Variants in SLAIN1 observed in about 807,000 individuals in gnomAD.
The protein encoded by SLAIN1 is SLAIN motif-containing protein 1.
Under a neutral mutation model 55.4 loss-of-function variants are expected in SLAIN1, and 17 were observed. The observed-to-expected ratio is 0.31, with a 90% CI of 0.21 to 0.46. The LOEUF (loss-of-function observed/expected upper bound fraction) is 0.46, where lower values mean the gene tolerates loss of function less well. SLAIN1 is among the 20% of genes least tolerant of loss of function. SLAIN1 has a pLI of 1.00. For missense variants in SLAIN1, 682 were observed against 785.1 expected, an observed-to-expected ratio of 0.87 and a Z score of 1.57; for synonymous variants, 348 against 337.4, an observed-to-expected ratio of 1.03 and a Z score of -0.35.
chr13:77,723,435 G>A (rs995597346), intron 2 of SLAIN1, among the ~76,000 whole-genome samples: 7 of 152,058 alleles, frequency 4.6e-5, no homozygotes, highest in Non-Finnish European at 7.4e-5. Flanking sequence ...GGAGAGTAGA[G>A]GGAAAAAGGA....
intron 1 of SLAIN1, among the ~76,000 whole-genome samples, chr13:77,717,665 G>T (rs145549016): frequency 6.6e-6 from 1 of 152,072 alleles, no homozygotes; most frequent in Non-Finnish European, 1.5e-5. Context: ...TGTCTGGGGC[G>T]TGGGCCTAAA....
At chr13:77,738,484 T>A (rs916989295) in intron 2 of SLAIN1, among the ~76,000 whole-genome samples, 12 of 151,778 alleles carry the variant, frequency 7.9e-5, no homozygotes, top group Admixed American at 5.9e-4. Flanking sequence ...TGCTAATGAG[T>A]TTTTATTGGG....
At chr13:77,699,088 G>T in intron 1 of SLAIN1, 1 of 1,518,412 alleles carries the variant, frequency 6.6e-7, no homozygotes, top group South Asian at 1.2e-5. Flanking sequence ...TTTTGCAGTC[G>T]TGTGCCCTTT....
intron 3 of SLAIN1, 98 bp downstream of exon 3, chr13:77,744,530 A>T: frequency 6.3e-7 from 1 of 1,576,534 alleles, no homozygotes; most frequent in Non-Finnish European, 8.6e-7. Context: ...ATGGGCAAAT[A>T]ATTAGATTCT....
In SLAIN1 at chr13:77,719,539, A is replaced by G; in HGVS notation, c.634A>G (p.Ile212Val). The G allele has an allele frequency of 6.2e-7, 1 of 1,612,252 alleles. No homozygotes were observed. The highest frequency in any genetic ancestry group is 8.5e-7 in the Non-Finnish European group (1 of 1,178,872). Residue 212 changes from isoleucine to valine, a missense_variant, in exon 2 of 7, where the codon ATT becomes GTT. By Grantham distance (29) the Ile-to-Val change is conservative. This residue lies in a region of SLAIN1 where 401 missense variants were observed against 417.3 expected (regional missense o/e 0.96). Transcript: ENST00000418532. ...TAGATTTCTTTTTTTAAGGTTATAC[A>G]TTGGCTCTTCAAAGACGTTCACCTC... ...RDEDDYTWLY[I>V]GSSKTFTSSE...
intron 1 of SLAIN1, among the ~76,000 whole-genome samples, chr13:77,715,477 G>A (rs1225358013): frequency 6.6e-6 from 1 of 152,174 alleles, no homozygotes; most frequent in Non-Finnish European, 1.5e-5. Flanking sequence ...CTGGAACAGA[G>A]AGTAAGTGTA....
intron 1 of SLAIN1, among the ~76,000 whole-genome samples, chr13:77,701,194 T>C (rs2091027294): frequency 6.6e-6 from 1 of 152,054 alleles, no homozygotes; most frequent in Non-Finnish European, 1.5e-5. Context: ...TCCTAATGGG[T>C]TGAACAAAAT....
intron 5 of SLAIN1, among the ~76,000 whole-genome samples, chr13:77,758,674 G>C (rs902990924): frequency 6.6e-6 from 1 of 152,020 alleles, no homozygotes; most frequent in Non-Finnish European, 1.5e-5. Flanking sequence ...ACCATTTACT[G>C]AATAGGGTGT....
At chr13:77,725,737 C>A (rs1020425454) in intron 2 of SLAIN1, among the ~76,000 whole-genome samples, 2 of 152,142 alleles carry the variant, frequency 1.3e-5, no homozygotes, top group Admixed American at 1.3e-4. Context: ...CTTATTTCCT[C>A]TTTACCCTAG....
intron 1 of SLAIN1, among the ~76,000 whole-genome samples, chr13:77,713,452 AAATC>A (rs904067534): frequency 2.0e-5 from 3 of 152,238 alleles, no homozygotes. Flanking sequence ...AGAGAAATGT[AAATC>A]AAAACCACAA....
At chr13:77,739,974 G>A (rs1873334862) in intron 2 of SLAIN1, among the ~76,000 whole-genome samples, 1 of 152,038 alleles carries the variant, frequency 6.6e-6, no homozygotes. Context: ...TGAGGTATCA[G>A]TCTACAATTT....
intron 2 of SLAIN1, among the ~76,000 whole-genome samples, chr13:77,734,879 G>A (rs1449807891): frequency 6.6e-6 from 1 of 151,984 alleles, no homozygotes; most frequent in Admixed American, 6.6e-5. Flanking sequence ...AAACAGCCAG[G>A]TGTAGTGGCA....
chr13:77,718,689 T>C (rs913738339), intron 1 of SLAIN1, among the ~76,000 whole-genome samples: 1 of 152,170 alleles, frequency 6.6e-6, no homozygotes, highest in Non-Finnish European at 1.5e-5. Flanking sequence ...CTTATAGTAG[T>C]AAGGTGTCAC....
In SLAIN1 at chr13:77,727,157, T is replaced by G. The variant is rs149546601; in HGVS notation, c.766+7486T>G. Among the ~76,000 whole-genome samples, 459 of 152,322 alleles carry G rather than the reference T, an allele frequency of 3.0e-3. 2 individuals are homozygous for G. The highest frequency in any genetic ancestry group is 0.011 in the African/African-American group (439 of 41,574). On this transcript the variant is annotated intron_variant, in intron 2 of 6. Coordinates refer to ENST00000418532, the MANE Select transcript of SLAIN1 (RefSeq NM_001242868.2). ...GGCCACTTATTTGAGTATGCAGTCT[T>G]CAACAAAGCTCAGTATCTTGGTTGG...
At chr13:77,748,035 A>G (rs944235883) in intron 4 of SLAIN1, among the ~76,000 whole-genome samples, 1 of 152,110 alleles carries the variant, frequency 6.6e-6, no homozygotes, top group African/African-American at 2.4e-5. Flanking sequence ...ATATAGCACT[A>G]TTTCTCAAAG....
At chr13:77,752,680 G>A (rs746286479) in intron 4 of SLAIN1, among the ~76,000 whole-genome samples, 2 of 152,152 alleles carry the variant, frequency 1.3e-5, no homozygotes, top group Non-Finnish European at 2.9e-5. Flanking sequence ...TCAGTCTGTG[G>A]CCAAAGGCCT....
chr13:77,736,112 T>C (rs1325288828), intron 2 of SLAIN1, among the ~76,000 whole-genome samples: 2 of 152,102 alleles, frequency 1.3e-5, no homozygotes, highest in Middle Eastern at 3.2e-3. Flanking sequence ...TCCAGAGATA[T>C]GCTTTTCAGA....
intron 2 of SLAIN1, among the ~76,000 whole-genome samples, chr13:77,739,493 T>C (rs995702283): frequency 2.0e-5 from 3 of 152,146 alleles, no homozygotes; most frequent in Non-Finnish European, 4.4e-5. Flanking sequence ...TTGAACTCTT[T>C]AGTTTAATGC....
At chr13:77,728,510 T>C (rs2091328589) in intron 2 of SLAIN1, among the ~76,000 whole-genome samples, 1 of 152,178 alleles carries the variant, frequency 6.6e-6, no homozygotes, top group Non-Finnish European at 1.5e-5. Context: ...TATCCTTGGC[T>C]CATGTTTCGC....
Sources: gnomAD v4.1 joint callset for allele counts (sites outside exome capture counted in the v4.1 genomes callset) on GRCh38, gnomAD v4.1.1 for gene constraint, gnomAD v4.1.1 regional missense constraint, MANE v1.5 for transcripts, NCBI Gene and HGNC (gene_info 2026-07-23, HGNC 2026-07-21) for gene names.